Variants in INPP5D observed in about 807,000 individuals in gnomAD.
INPP5D encodes the protein phosphatidylinositol 3,4,5-trisphosphate 5-phosphatase 1.
Under a neutral mutation model 122.9 loss-of-function variants are expected in INPP5D, and 33 were observed. The ratio of observed to expected loss-of-function variants is 0.27; its 90% CI spans 0.20 to 0.36. The LOEUF (loss-of-function observed/expected upper bound fraction) is 0.36. Among genes scored for constraint, INPP5D ranks in the 10% least tolerant of loss-of-function variants. The pLI is 1.00. For missense variants in INPP5D, 1,053 were observed against 1,412.7 expected (o/e 0.75, Z 4.08); for synonymous variants, 584 against 576.2 (o/e 1.01, Z -0.19).
At chr2:233,173,920 C>T (rs571927319) in intron 17 of INPP5D, among the ~76,000 whole-genome samples, 25 of 151,538 alleles carry the variant, frequency 1.6e-4, no homozygotes, top group African/African-American at 4.4e-4. Flanking sequence ...AGCAAGGCTC[C>T]GTCTCAAAAA....
intron 1 of INPP5D, among the ~76,000 whole-genome samples, chr2:233,066,094 A>T (rs1224394559): frequency 2.0e-5 from 3 of 152,060 alleles, no homozygotes; most frequent in Non-Finnish European, 4.4e-5. Context: ...AGTAGCTGGT[A>T]TTCCAGGTGC....
At chr2:233,120,082 G>A (rs568771518) in intron 2 of INPP5D, among the ~76,000 whole-genome samples, 5 of 152,314 alleles carry the variant, frequency 3.3e-5, no homozygotes, top group Non-Finnish European at 4.4e-5. Context: ...TCCTACAGGC[G>A]ATGGGTCCCA....
intron 10 of INPP5D, among the ~76,000 whole-genome samples, chr2:233,159,550 T>G (rs1282784593): frequency 9.2e-6 from 1 of 108,542 alleles, no homozygotes; most frequent in African/African-American, 2.7e-5. Flanking sequence ...AAAAAATAGC[T>G]GGGTGTGGTG....
intron 2 of INPP5D, among the ~76,000 whole-genome samples, chr2:233,089,374 G>T (rs1034822475): frequency 8.5e-5 from 13 of 152,324 alleles, no homozygotes; most frequent in African/African-American, 2.6e-4. Flanking sequence ...GGAAACAAAG[G>T]CTCAGATGAG....
intron 25 of INPP5D, among the ~76,000 whole-genome samples, chr2:233,201,443 C>T (rs1470518606): frequency 1.3e-5 from 2 of 152,220 alleles, no homozygotes; most frequent in African/African-American, 4.8e-5. Flanking sequence ...CAAGGGGCCC[C>T]CAGGGTACGC....
intron 6 of INPP5D, among the ~76,000 whole-genome samples, chr2:233,144,807 G>A (rs1693716453): frequency 6.6e-6 from 1 of 152,152 alleles, no homozygotes; most frequent in Non-Finnish European, 1.5e-5. Flanking sequence ...CCATGCTGAT[G>A]ACTCTGGTGG....
intron 26 of INPP5D, among the ~76,000 whole-genome samples, chr2:233,205,943 G>A (rs1299039979): frequency 2.6e-5 from 4 of 152,150 alleles, no homozygotes; most frequent in African/African-American, 9.7e-5. Context: ...GCTGGGCATT[G>A]TGGTGTGCAC....
intron 2 of INPP5D, among the ~76,000 whole-genome samples, chr2:233,110,945 A>C (rs1182414879): frequency 3.3e-5 from 5 of 151,754 alleles, no homozygotes; most frequent in Admixed American, 6.6e-5. Context: ...AACAACAAAA[A>C]AAAAAAACTG....
intron 2 of INPP5D, among the ~76,000 whole-genome samples, chr2:233,119,983 T>C (rs923419092): frequency 1.3e-5 from 2 of 152,354 alleles, no homozygotes; most frequent in Admixed American, 1.3e-4. Context: ...GGCCAACGCT[T>C]GGCCCAGCCA....
At chr2:233,182,572 G>A (rs2106313817) in intron 19 of INPP5D, 73 bp downstream of exon 19, 1 of 1,591,420 alleles carries the variant, frequency 6.3e-7, no homozygotes, top group African/African-American at 1.3e-5. Flanking sequence ...TCTTCAGGTG[G>A]CAGTCAGTGG....
intron 23 of INPP5D, among the ~76,000 whole-genome samples, 176 bp downstream of exon 23, chr2:233,194,137 C>T (rs1196914126): frequency 6.6e-6 from 1 of 152,148 alleles, no homozygotes; most frequent in Non-Finnish European, 1.5e-5. Flanking sequence ...CAAAAATGTC[C>T]CAACAGAACC....
Position 233,160,309 on chromosome 2 carries a change from C to T in INPP5D, c.1138-1415C>T, listed in dbSNP as rs149915274. On this transcript the variant is annotated intron_variant, in intron 10 of 26. Transcript: ENST00000445964. The surrounding 1 kb of genome is among the most constrained non-coding windows in gnomAD (Gnocchi z 4.2). Reference sequence around the variant, plus strand: ...GAAATTTGTGTACTTTGTTAAAGTCCGCCTGCTCTATTGATTGCATCCTAA... The same window carrying T: ...GAAATTTGTGTACTTTGTTAAAGTCTGCCTGCTCTATTGATTGCATCCTAA... 2.0e-4 allele frequency among the ~76,000 whole-genome samples: 30 copies of T among 152,242 alleles called. No individual in the cohort carries two copies. The South Asian group carries it at 2.1e-3, about 11-fold the overall frequency.
chr2:233,184,891 G>A (rs1010486511), intron 20 of INPP5D, among the ~76,000 whole-genome samples: 15 of 151,924 alleles, frequency 9.9e-5, no homozygotes, highest in African/African-American at 2.9e-4. Flanking sequence ...TCAAAGAGCC[G>A]GTGTGAGGGC....
chr2:233,104,369 A>G (rs1160699025), intron 2 of INPP5D, among the ~76,000 whole-genome samples: 1 of 152,156 alleles, frequency 6.6e-6, no homozygotes, highest in Non-Finnish European at 1.5e-5. Context: ...TCCAACACTG[A>G]GGTAAATGCA....
chr2:233,096,975 G>A (rs4973602), intron 2 of INPP5D, among the ~76,000 whole-genome samples: 107,174 of 152,062 alleles, frequency 0.7, 37,991 homozygotes, highest in Middle Eastern at 0.8. Flanking sequence ...TAGGGAAAAT[G>A]CTATTTTCTT....
intron 4 of INPP5D, among the ~76,000 whole-genome samples, chr2:233,126,196 C>T (rs1693152635): frequency 6.6e-6 from 1 of 152,270 alleles, no homozygotes; most frequent in South Asian, 2.1e-4. Flanking sequence ...TGGGCACTCA[C>T]TGGATATGTG....
intron 2 of INPP5D, among the ~76,000 whole-genome samples, chr2:233,102,626 A>G (rs1692344902): frequency 6.6e-6 from 1 of 151,758 alleles, no homozygotes; most frequent in African/African-American, 2.4e-5. Flanking sequence ...AGGCGGGCAG[A>G]TCACAAGGTC....
intron 9 of INPP5D, among the ~76,000 whole-genome samples, chr2:233,150,882 A>G (rs1182932457): frequency 6.6e-6 from 1 of 152,056 alleles, no homozygotes; most frequent in Non-Finnish European, 1.5e-5. Flanking sequence ...GATGAATAGG[A>G]TTTTGCCAAG....
intron 13 of INPP5D, among the ~76,000 whole-genome samples, chr2:233,167,732 C>T (rs1294390500): frequency 6.6e-6 from 1 of 152,098 alleles, no homozygotes; most frequent in Non-Finnish European, 1.5e-5. Context: ...GGGCCGGGTG[C>T]CGTGGCTCAC....
Sources: allele counts gnomAD v4.1 joint callset (sites outside exome capture counted in the v4.1 genomes callset), GRCh38; gene constraint gnomAD v4.1.1; non-coding constraint Gnocchi (gnomAD v3.1); transcripts MANE v1.5; gene names NCBI Gene and HGNC (gene_info 2026-07-23, HGNC 2026-07-21).